TSHZ2: variants seen among roughly 807,000 people sequenced by gnomAD.
The protein encoded by TSHZ2 is teashirt zinc finger homeobox 2.
Under a neutral mutation model 74.4 loss-of-function variants are expected in TSHZ2, and 21 were observed. The ratio of observed to expected loss-of-function variants is 0.28; its 90% CI spans 0.20 to 0.41. TSHZ2 has a LOEUF of 0.41. Ranked by LOEUF, TSHZ2 falls within the 10% of genes least tolerant of loss-of-function variation. The pLI, the probability that TSHZ2 is intolerant of heterozygous loss-of-function variation, is 1.00. For missense variants in TSHZ2, 1,244 were observed against 1,293.5 expected, an observed-to-expected ratio of 0.96 and a Z score of 0.59; for synonymous variants, 540 against 515.3, an observed-to-expected ratio of 1.05 and a Z score of -0.65.
chr20:53,051,615 C>T (rs959821247), intron 1 of TSHZ2, among the ~76,000 whole-genome samples: 6 of 152,156 alleles, frequency 3.9e-5, no homozygotes, highest in Non-Finnish European at 8.8e-5. Context: ...TTTTCTGGAA[C>T]ATATTGGCTT....
intron 2 of TSHZ2, among the ~76,000 whole-genome samples, chr20:53,292,116 C>T (rs1000978279): frequency 2.0e-5 from 3 of 152,024 alleles, no homozygotes; most frequent in African/African-American, 7.2e-5. Flanking sequence ...GAAGGTCTCA[C>T]ATATAATAAT....
At chr20:53,443,994 C>T (rs868069819) in intron 2 of TSHZ2, among the ~76,000 whole-genome samples, 59 of 152,232 alleles carry the variant, frequency 3.9e-4, no homozygotes, top group Middle Eastern at 3.4e-3. Context: ...AGAGGGAACG[C>T]GTCCCTGGGA....
intron 1 of TSHZ2, among the ~76,000 whole-genome samples, chr20:53,160,581 C>A (rs1336495970): frequency 6.6e-6 from 1 of 151,878 alleles, no homozygotes; most frequent in Admixed American, 6.6e-5. Flanking sequence ...CCAGCCTGAC[C>A]AACATGACAA....
At chr20:53,283,113 A>T (rs1185795144) in intron 2 of TSHZ2, among the ~76,000 whole-genome samples, 1 of 152,212 alleles carries the variant, frequency 6.6e-6, no homozygotes, top group Non-Finnish European at 1.5e-5. Flanking sequence ...TTATCTCATT[A>T]TTCCCTTCCC....
chr20:53,341,637 A>T (rs1270699798), intron 2 of TSHZ2, among the ~76,000 whole-genome samples: 2 of 151,838 alleles, frequency 1.3e-5, no homozygotes, highest in Non-Finnish European at 2.9e-5. Context: ...ATTATCTCTT[A>T]TCTATTTTAA....
chr20:53,092,141 T>G (rs926919012), intron 1 of TSHZ2, among the ~76,000 whole-genome samples: 3 of 151,980 alleles, frequency 2.0e-5, no homozygotes, highest in African/African-American at 7.2e-5. Context: ...AGCATCACAC[T>G]CACAATATCG....
chr20:53,342,956 T>C (rs1042506914), intron 2 of TSHZ2, among the ~76,000 whole-genome samples: 6 of 46,300 alleles, frequency 1.3e-4, no homozygotes, highest in Non-Finnish European at 2.6e-4. Context: ...TTTTCTTTTC[T>C]TTTTTTTTTT....
At chr20:52,990,470 G>A (rs569811649) in intron 1 of TSHZ2, among the ~76,000 whole-genome samples, 109 of 142,218 alleles carry the variant, frequency 7.7e-4, no homozygotes, top group African/African-American at 2.7e-3. Context: ...GTGGGGTGGG[G>A]AACAGGGAGA....
chr20:53,224,226 A>G (rs746746153), intron 1 of TSHZ2, among the ~76,000 whole-genome samples: 1 of 152,202 alleles, frequency 6.6e-6, no homozygotes, highest in African/African-American at 2.4e-5. Context: ...TCTATTATTC[A>G]AGGAAAAACA....
intron 1 of TSHZ2, among the ~76,000 whole-genome samples, chr20:53,133,306 C>T (rs556929335): frequency 2.6e-5 from 4 of 152,208 alleles, no homozygotes; most frequent in Non-Finnish European, 5.9e-5. Context: ...GATGTACCTC[C>T]ATTTCCTGTA....
intron 2 of TSHZ2, among the ~76,000 whole-genome samples, chr20:53,268,862 C>T (rs79368061): frequency 8.5e-5 from 13 of 152,272 alleles, no homozygotes; most frequent in East Asian, 5.8e-4. Context: ...GATCAGGCTT[C>T]GGGGTCAGAC....
In TSHZ2 at chr20:53,256,159, G is replaced by A. The variant is rs781410865; in HGVS notation, c.2701G>A (p.Ala901Thr). 24 of 1,612,866 alleles carry A rather than the reference G, an allele frequency of 1.5e-5. 1 individual carries two copies. Among genetic ancestry groups the A allele is most frequent in the Non-Finnish European group, 2.0e-5 (24 of 1,179,196 alleles). The change falls in exon 2 of 3, where the codon GCC (alanine) becomes ACC (threonine). Residue 901 changes from alanine to threonine, a missense_variant. Physicochemically the swap from Ala to Thr is moderately conservative, Grantham distance 58. Coordinates refer to ENST00000371497, the MANE Select transcript of TSHZ2 (RefSeq NM_173485.6). The surrounding 1 kb of genome is among the most constrained non-coding windows in gnomAD (Gnocchi z 4.3). Reference sequence around the variant, plus strand: ...AATGACCACTATCAGTCACTGGCTGGCCAACGTCAAGTACCAGCTTAGGAA... The same window carrying A: ...AATGACCACTATCAGTCACTGGCTGACCAACGTCAAGTACCAGCTTAGGAA... ...LSMTTISHWL[A>T]NVKYQLRKTG...
chr20:53,293,044 C>G (rs1991310319), intron 2 of TSHZ2, among the ~76,000 whole-genome samples: 1 of 152,152 alleles, frequency 6.6e-6, no homozygotes, highest in Non-Finnish European at 1.5e-5. Flanking sequence ...ATATAAGGGT[C>G]GCCATTGAAA....
At position 53,469,683 on chromosome 20, in the gene TSHZ2, A is replaced by AGGAC. The variant is rs1265941550; in HGVS notation, c.*9-17456_*9-17453dup. ...AAGGAAGGAAGGAAGGAAGGAAGGA[A>AGGAC]GGACGGACCCAAGAAAGATAGAGAA... On this transcript the variant is annotated intron_variant, in intron 2 of 2. Transcript: ENST00000371497. 3.8e-4 allele frequency among the ~76,000 whole-genome samples: 31 copies of AGGAC among 82,654 alleles called. 2 individuals carry two copies. Among genetic ancestry groups the AGGAC allele is most frequent in the African/African-American group, 1.0e-3 (22 of 21,088 alleles). The allele number at this position is 82,654 out of a possible 152,430, so 54.2% of individuals were successfully genotyped here. A position where few individuals can be genotyped will look rare whatever the true frequency, so the allele number is the denominator to read the frequency against.
chr20:53,382,461 G>A (rs1981894109), intron 2 of TSHZ2, among the ~76,000 whole-genome samples: 1 of 152,190 alleles, frequency 6.6e-6, no homozygotes, highest in African/African-American at 2.4e-5. Context: ...AACTGGAGAA[G>A]GGGGAAGAAA....
intron 2 of TSHZ2, among the ~76,000 whole-genome samples, chr20:53,376,277 G>T (rs899215317): frequency 4.6e-5 from 7 of 152,182 alleles, no homozygotes; most frequent in Non-Finnish European, 1.0e-4. Flanking sequence ...CCAGGATGTG[G>T]GGCTTTCTGT....
chr20:53,070,942 A>G (rs1286782818), intron 1 of TSHZ2, among the ~76,000 whole-genome samples: 1 of 152,190 alleles, frequency 6.6e-6, no homozygotes, highest in Non-Finnish European at 1.5e-5. Flanking sequence ...ACATTTTTGA[A>G]CAATTACTAG....
At chr20:53,152,003 G>A (rs957362742) in intron 1 of TSHZ2, among the ~76,000 whole-genome samples, 5 of 152,032 alleles carry the variant, frequency 3.3e-5, no homozygotes, top group South Asian at 4.1e-4. Flanking sequence ...AACTGAACTC[G>A]AGGGCAAGGT....
In TSHZ2 at chr20:53,038,904, G is replaced by GTTTTT. The variant is rs746921607; in HGVS notation, c.40+65574_40+65575insTTTTT. Among the ~76,000 whole-genome samples the GTTTTT allele has an allele frequency of 3.7e-3, 508 of 139,088 alleles. 4 individuals are homozygous for GTTTTT. The highest frequency in any genetic ancestry group is 0.015 in the African/African-American group (477 of 31,572). 91.2% of individuals were successfully genotyped at this position (139,088 alleles called of 152,430 possible). On this transcript the variant is annotated intron_variant, in intron 1 of 2. Coordinates refer to ENST00000371497, the MANE Select transcript of TSHZ2 (RefSeq NM_173485.6). ...TTTTGTTTTGTTTGTTTGTTTGTTT[G>GTTTTT]TTTGTTTTTGAGATGGAGTTTCACT...
Sources: allele counts gnomAD v4.1 joint callset (sites outside exome capture counted in the v4.1 genomes callset), GRCh38; gene constraint gnomAD v4.1.1; non-coding constraint Gnocchi (gnomAD v3.1); transcripts MANE v1.5; gene names NCBI Gene and HGNC (gene_info 2026-07-23, HGNC 2026-07-21).